Variants in LHFPL7 observed in about 807,000 individuals in gnomAD.
LHFPL7 encodes LHFPL tetraspan subfamily member 7, also known as LHFPL tetraspan subfamily member 7 protein.
the LHFPL7 span, chr22:24,939,490 T>C: frequency 1.4e-6 from 1 of 702,924 alleles, no homozygotes; most frequent in East Asian, 2.7e-5. Context: ...AAGGCTGAGG[T>C]GCAGGTCAGA....
the LHFPL7 span, among the ~76,000 whole-genome samples, chr22:24,940,407 C>A: frequency 6.7e-6 from 1 of 149,716 alleles, no homozygotes; most frequent in Non-Finnish European, 1.5e-5. Context: ...TCCTGGCTAA[C>A]ACGGTGAAAC....
At chr22:24,939,157 G>A in the LHFPL7 span, among the ~76,000 whole-genome samples, 1 of 152,186 alleles carries the variant, frequency 6.6e-6, no homozygotes, top group African/African-American at 2.4e-5. Flanking sequence ...TTTCTGAAGG[G>A]CTGTCAGGTT....
At chr22:24,936,110 C>G in the LHFPL7 span, among the ~76,000 whole-genome samples, 1 of 152,120 alleles carries the variant, frequency 6.6e-6, no homozygotes, top group African/African-American at 2.4e-5. Flanking sequence ...TATCCACCTA[C>G]TCACTCACTC....
the LHFPL7 span, among the ~76,000 whole-genome samples, chr22:24,940,220 A>C: frequency 2.2e-5 from 3 of 138,942 alleles, no homozygotes; most frequent in East Asian, 2.5e-4. Flanking sequence ...GCCACCGCGC[A>C]CGGCCTATTT....
chr22:24,942,898 T>TGTGTGTG, the LHFPL7 span, among the ~76,000 whole-genome samples: 1 of 135,750 alleles, frequency 7.4e-6, no homozygotes, highest in Non-Finnish European at 1.6e-5. Flanking sequence ...ATAAAGTGTG[T>TGTGTGTG]GTGTGTGTGT....
the LHFPL7 span, chr22:24,939,278 CT>C: frequency 2.9e-6 from 2 of 700,922 alleles, no homozygotes; most frequent in Middle Eastern, 2.9e-4. Flanking sequence ...GCTTTCCTGC[CT>C]TAATGAGTTT....
At chr22:24,941,401 C>G in the LHFPL7 span, among the ~76,000 whole-genome samples, 1 of 151,746 alleles carries the variant, frequency 6.6e-6, no homozygotes, top group Admixed American at 6.6e-5. Flanking sequence ...GTATTGCATT[C>G]TGCGTCTTAC....
chr22:24,940,088 C>T, the LHFPL7 span, among the ~76,000 whole-genome samples: 31 of 150,756 alleles, frequency 2.1e-4, no homozygotes, highest in Admixed American at 5.9e-4. Flanking sequence ...CCACCGCGCC[C>T]GGCTAATTTT....
At chr22:24,940,542 G>A in the LHFPL7 span, among the ~76,000 whole-genome samples, 1 of 151,146 alleles carries the variant, frequency 6.6e-6, no homozygotes, top group African/African-American at 2.4e-5. Context: ...CTTGCAGTGA[G>A]CCGAGATCGC....
the LHFPL7 span, chr22:24,935,508 T>C: frequency 1.2e-6 from 2 of 1,613,892 alleles, no homozygotes; most frequent in African/African-American, 2.7e-5. Context: ...CCCACCATAA[T>C]ACATGGAGGA....
the LHFPL7 span, among the ~76,000 whole-genome samples, chr22:24,941,444 TG>T: frequency 6.6e-6 from 1 of 152,126 alleles, no homozygotes; most frequent in Non-Finnish European, 1.5e-5. Flanking sequence ...TGTCTTGGTT[TG>T]GGTTCCCTTG....
the LHFPL7 span, among the ~76,000 whole-genome samples, chr22:24,942,758 A>G: frequency 1.3e-5 from 2 of 152,140 alleles, no homozygotes; most frequent in African/African-American, 2.4e-5. Flanking sequence ...GGATCAGTCA[A>G]TGGGCAGGGT....
the LHFPL7 span, chr22:24,938,218 C>A: frequency 6.2e-7 from 1 of 1,614,142 alleles, no homozygotes; most frequent in Non-Finnish European, 8.5e-7. Flanking sequence ...GGGGCCACAG[C>A]CCAAGACAGG....
the LHFPL7 span, chr22:24,935,689 C>T: frequency 5.0e-4 from 726 of 1,456,186 alleles, no homozygotes; most frequent in Non-Finnish European, 6.7e-4. Flanking sequence ...TCCACCCATC[C>T]ATCTATCCAC....
At chr22:24,940,418 T>C in the LHFPL7 span, among the ~76,000 whole-genome samples, 2 of 148,646 alleles carry the variant, frequency 1.3e-5, no homozygotes, top group East Asian at 2.1e-4. Flanking sequence ...ACGGTGAAAC[T>C]CCGTCTCTAC....
chr22:24,943,053 C>T, the LHFPL7 span, among the ~76,000 whole-genome samples: 2 of 151,876 alleles, frequency 1.3e-5, no homozygotes, highest in Non-Finnish European at 2.9e-5. Flanking sequence ...GTGGAATATC[C>T]TCCCTTGAGT....
At chr22:24,942,088 C>T in the LHFPL7 span, among the ~76,000 whole-genome samples, 1 of 152,046 alleles carries the variant, frequency 6.6e-6, no homozygotes, top group South Asian at 2.1e-4. Flanking sequence ...CTCTGCTTCC[C>T]GGGTTCATGC....
At chr22:24,944,327 T>C in the LHFPL7 span, among the ~76,000 whole-genome samples, 1 of 151,526 alleles carries the variant, frequency 6.6e-6, no homozygotes, top group Non-Finnish European at 1.5e-5. Context: ...TGGAGGGAGA[T>C]AGCAAGTGAT....
chr22:24,945,097 C>T, the LHFPL7 span, among the ~76,000 whole-genome samples: 22 of 152,236 alleles, frequency 1.4e-4, no homozygotes, highest in African/African-American at 4.3e-4. Context: ...TGTGAGCCAC[C>T]GCGCCTGGCC....
Sources: allele counts gnomAD v4.1 joint callset (sites outside exome capture counted in the v4.1 genomes callset), GRCh38; gene constraint gnomAD v4.1.1; transcripts MANE v1.5; gene names NCBI Gene and HGNC (gene_info 2026-07-23, HGNC 2026-07-21).